UTS2: variants seen among roughly 807,000 people sequenced by gnomAD.
UTS2 encodes the protein urotensin-2.
UTS2 carries 10 observed loss-of-function variants against 12.6 expected under a neutral mutation model. That is an observed-to-expected ratio of 0.80 (90% CI 0.49 to 1.35). UTS2 has a LOEUF of 1.35. UTS2 is among the 40% of genes most tolerant of loss of function. The pLI is 0.00. For missense variants in UTS2, 142 were observed against 143.2 expected (o/e 0.99, Z 0.04); for synonymous variants, 52 against 50.0 (o/e 1.04, Z -0.17).
the UTS2 span, among the ~76,000 whole-genome samples, chr1:7,871,391 A>C: frequency 6.6e-6 from 1 of 151,974 alleles, no homozygotes; most frequent in African/African-American, 2.4e-5. Context: ...CAGCCCCAGC[A>C]TCCTCCCTCA....
the UTS2 span, among the ~76,000 whole-genome samples, chr1:7,863,848 G>A: frequency 6.6e-6 from 1 of 152,236 alleles, no homozygotes; most frequent in African/African-American, 2.4e-5. Context: ...AGTTGGGGTT[G>A]CTGTGGCCCA....
At chr1:7,897,080 A>G in the UTS2 span, among the ~76,000 whole-genome samples, 3 of 152,150 alleles carry the variant, frequency 2.0e-5, no homozygotes, top group Admixed American at 6.5e-5. Flanking sequence ...TTCTGTTTCT[A>G]CATTTTCTTT....
chr1:7,907,402 T>C, the UTS2 span, among the ~76,000 whole-genome samples: 12,135 of 151,906 alleles, frequency 0.08, 692 homozygotes, highest in Non-Finnish European at 0.12. Flanking sequence ...ATCCCAGCAC[T>C]TTGGGAGGCT....
the UTS2 span, among the ~76,000 whole-genome samples, chr1:7,889,457 A>G: frequency 3.3e-5 from 5 of 149,664 alleles, no homozygotes; most frequent in African/African-American, 4.9e-5. Context: ...AAAAAAAAAA[A>G]AAAAAAGAAA....
At chr1:7,886,094 A>C in the UTS2 span, among the ~76,000 whole-genome samples, 1 of 152,014 alleles carries the variant, frequency 6.6e-6, no homozygotes, top group South Asian at 2.1e-4. Flanking sequence ...CTCCATGTGG[A>C]TCTGTGCCCT....
At chr1:7,905,210 C>A in the UTS2 span, among the ~76,000 whole-genome samples, 1 of 149,574 alleles carries the variant, frequency 6.7e-6, no homozygotes, top group Non-Finnish European at 1.5e-5. Context: ...ATGGCGCGAT[C>A]TTGGCTCACT....
the UTS2 span, among the ~76,000 whole-genome samples, chr1:7,863,061 T>C: frequency 1.2e-5 from 1 of 84,308 alleles, no homozygotes; most frequent in African/African-American, 4.2e-5. Context: ...TTGTATTGTA[T>C]TGTATTGTAT....
chr1:7,895,018 G>GT, the UTS2 span, among the ~76,000 whole-genome samples: 1 of 151,872 alleles, frequency 6.6e-6, no homozygotes, highest in Admixed American at 6.6e-5. Flanking sequence ...TGTTTAATTT[G>GT]TATCTTCTTC....
At chr1:7,885,666 A>G in the UTS2 span, among the ~76,000 whole-genome samples, 1 of 151,700 alleles carries the variant, frequency 6.6e-6, no homozygotes, top group Non-Finnish European at 1.5e-5. Flanking sequence ...GCGGGGCGTG[A>G]CTTGAGAGGG....
rs574232608 is a variant in UTS2 at position 7,849,820 on chromosome 1, T to C, written c.215-137A>G. ...CACACTGCAGCAAGCTTTTCTTGAATGCAGACAGACAGGCACTCCTGTTCT... is the reference window on the plus strand; with the variant it reads ...CACACTGCAGCAAGCTTTTCTTGAACGCAGACAGACAGGCACTCCTGTTCT... On this transcript the variant is annotated intron_variant, in intron 2 of 3. Coordinates refer to ENST00000361696, the MANE Select transcript of UTS2 (RefSeq NM_006786.4). The C allele has an allele frequency of 6.0e-5, 43 of 715,356 alleles. No individual in the cohort carries two copies. In the African/African-American group the frequency reaches 7.0e-4, roughly 12 times the overall value. The allele number at this position is 715,356 out of a possible 1,614,324, so 44.3% of individuals were successfully genotyped here.
At chr1:7,883,525 TAGAAG>T in the UTS2 span, among the ~76,000 whole-genome samples, 1 of 152,186 alleles carries the variant, frequency 6.6e-6, no homozygotes, top group Non-Finnish European at 1.5e-5. Flanking sequence ...ATTTCACAAC[TAGAAG>T]AGAAGACTTA....
the UTS2 span, among the ~76,000 whole-genome samples, chr1:7,890,021 C>T: frequency 8.6e-5 from 13 of 151,286 alleles, no homozygotes; most frequent in Middle Eastern, 3.2e-3. Context: ...GAGTGGAGAT[C>T]GCGCCGCTGC....
At chr1:7,885,130 TCATCCATC>T in the UTS2 span, among the ~76,000 whole-genome samples, 50 of 150,322 alleles carry the variant, frequency 3.3e-4, no homozygotes, top group Admixed American at 1.1e-3. Context: ...CACCCACCTA[TCATCCATC>T]CATCCATCCA....
At chr1:7,911,891 ACT>A in the UTS2 span, among the ~76,000 whole-genome samples, 3 of 101,064 alleles carry the variant, frequency 3.0e-5, no homozygotes, top group Non-Finnish European at 5.6e-5. Context: ...ACAGAGTGAG[ACT>A]CTGTCTCAAA....
At chr1:7,863,065 ATTGTATTGTATTGTATTGTATT>A in the UTS2 span, among the ~76,000 whole-genome samples, 1 of 90,790 alleles carries the variant, frequency 1.1e-5, no homozygotes, top group African/African-American at 4.0e-5. Flanking sequence ...ATTGTATTGT[ATTGTATTGTATTGTATTGTATT>A]GTATTGTATT....
At chr1:7,865,413 AGCG>A in the UTS2 span, among the ~76,000 whole-genome samples, 5 of 34,414 alleles carry the variant, frequency 1.5e-4, no homozygotes, top group Admixed American at 3.6e-4. Flanking sequence ...GTCCTCCCAC[AGCG>A]GTCCCTCTGT....
At chr1:7,883,845 C>CTT in the UTS2 span, among the ~76,000 whole-genome samples, 1,142 of 146,532 alleles carry the variant, frequency 7.8e-3, 12 homozygotes, top group African/African-American at 0.026. Context: ...ATAAAATATT[C>CTT]TTTTTTTTTT....
At chr1:7,887,184 A>C in the UTS2 span, among the ~76,000 whole-genome samples, 1 of 151,836 alleles carries the variant, frequency 6.6e-6, no homozygotes, top group Non-Finnish European at 1.5e-5. Context: ...GTATCATGAA[A>C]ATTGCCAGGC....
the UTS2 span, among the ~76,000 whole-genome samples, chr1:7,899,926 C>T: frequency 1.1e-4 from 16 of 152,104 alleles, no homozygotes; most frequent in Admixed American, 8.5e-4. Context: ...GTGTGACTGT[C>T]AACATGTAGG....
Sources: allele counts gnomAD v4.1 joint callset (sites outside exome capture counted in the v4.1 genomes callset), GRCh38; gene constraint gnomAD v4.1.1; transcripts MANE v1.5; gene names NCBI Gene and HGNC (gene_info 2026-07-23, HGNC 2026-07-21).